The following UFM1 variants were observed in gnomAD, a reference collection of about 807,000 sequenced individuals.
UFM1 encodes the protein ubiquitin fold modifier 1.
In UFM1, 9 loss-of-function variants were observed where a neutral mutation model predicts 15.4. That is an observed-to-expected ratio of 0.59 (90% CI 0.35 to 1.02). The LOEUF is 1.02. UFM1 is among the 50% of genes least tolerant of loss of function. The probability of loss-of-function intolerance (pLI) is 0.02; values close to 1 mark genes in which losing one functional copy is unlikely to be tolerated. For missense variants in UFM1, 98 were observed against 104.7 expected, an observed-to-expected ratio of 0.94 and a Z score of 0.28; for synonymous variants, 27 against 36.3, an observed-to-expected ratio of 0.74 and a Z score of 0.92.
intron 5 of UFM1, 49 bp from the exon 6 acceptor site, chr13:38,360,657 TTAAGA>T (rs1879328302): frequency 3.0e-6 from 4 of 1,321,752 alleles, no homozygotes; most frequent in African/African-American, 1.5e-5. Context: ...TGTCAGAATA[TTAAGA>T]TAACTTGATT....
Position 38,361,962 on chromosome 13 carries a change from C to G in UFM1, c.*1184C>G, listed in dbSNP as rs1593300542. ...AGTATCTACTGGCCTTGTCAACATA[C>G]AGACTTCAAAATACCCCTTATGAGA... On this transcript the variant is annotated 3_prime_UTR_variant, in exon 6 of 6. Transcript: ENST00000239878. The G allele has an allele frequency of 6.6e-6, 1 of 152,204 alleles. No individual in the cohort carries two copies. The highest frequency in any genetic ancestry group is 6.5e-5 in the Admixed American group (1 of 15,272). The allele number at this position is 152,204 out of a possible 1,614,324, so 9.4% of individuals were successfully genotyped here. A position where few individuals can be genotyped will look rare whatever the true frequency, so the allele number is the denominator to read the frequency against.
intron 2 of UFM1, among the ~76,000 whole-genome samples, chr13:38,352,936 C>T (rs1044317289): frequency 6.6e-6 from 1 of 152,128 alleles, no homozygotes; most frequent in Non-Finnish European, 1.5e-5. Flanking sequence ...ATATACACTG[C>T]AAAAATACTT....
Position 38,349,988 on chromosome 13 carries a change from C to G in UFM1, c.3-11C>G. ...TGCCCGACCCTGACTCTCTCCCGCT[C>G]TTTTCCTCAGGTCGAAGGTTTCCTT... is the stretch of plus-strand genomic sequence containing the variant. On this transcript the variant is annotated splice_polypyrimidine_tract_variant and intron_variant, in intron 1 of 5. Transcript: ENST00000239878. 1 of 1,614,118 alleles carries G rather than the reference C, an allele frequency of 6.2e-7. No homozygotes were observed. The highest frequency in any genetic ancestry group is 1.1e-5 in the South Asian group (1 of 91,084).
intron 2 of UFM1, among the ~76,000 whole-genome samples, chr13:38,352,267 T>G (rs1878896109): frequency 6.6e-6 from 1 of 152,038 alleles, no homozygotes; most frequent in Non-Finnish European, 1.5e-5. Flanking sequence ...CCAGCTAATT[T>G]TTTGTATTTT....
chr13:38,362,288 T>G lies in UFM1; in HGVS notation c.*1510T>G, dbSNP rs553423220. Reference sequence around the variant, plus strand: ...CCTAAGTTCATTGGGGGAAAAAAAATAAGAAGATTCAACAGAATCAGCATT... The same window carrying G: ...CCTAAGTTCATTGGGGGAAAAAAAAGAAGAAGATTCAACAGAATCAGCATT... On this transcript the variant is annotated 3_prime_UTR_variant, in exon 6 of 6. Transcript: ENST00000239878. 1.1e-4 allele frequency: 17 copies of G among 152,126 alleles called. No individual in the cohort carries two copies. The highest frequency in any genetic ancestry group is 3.4e-3 in the Middle Eastern group (1 of 294). 9.4% of individuals were successfully genotyped at this position (152,126 alleles called of 1,614,324 possible). A position where few individuals can be genotyped will look rare whatever the true frequency, so the allele number is the denominator to read the frequency against.
chr13:38,359,572 A>G, intron 5 of UFM1: 1 of 345,336 alleles, frequency 2.9e-6, no homozygotes, highest in Non-Finnish European at 5.3e-6. Context: ...AAGCATTAAG[A>G]GTATTTATTA....
chr13:38,352,135 G>A (rs1421580440), intron 2 of UFM1, among the ~76,000 whole-genome samples: 3 of 125,754 alleles, frequency 2.4e-5, no homozygotes, highest in Admixed American at 1.0e-4. Flanking sequence ...ACAAAGTCTC[G>A]CTCTGTTGCC....
intron 2 of UFM1, 170 bp downstream of exon 2, chr13:38,350,225 G>C: frequency 6.2e-7 from 1 of 1,608,516 alleles, no homozygotes; most frequent in Non-Finnish European, 8.5e-7. Context: ...CCTGCGAGGA[G>C]AGGTCCGTAC....
chr13:38,358,184 TA>T, intron 4 of UFM1, 52 bp downstream of exon 4: 4 of 1,159,106 alleles, frequency 3.5e-6, no homozygotes, highest in Admixed American at 2.7e-5. Context: ...AGAAATGGTG[TA>T]AAAGGAACCA....
chr13:38,361,627 A>C lies in UFM1; in HGVS notation c.*849A>C, dbSNP rs1879392184. ...CTGAAGATCAAAAAAAAGCTCAAGGAAATACAGATCGGAAGTGCTGATGAG... is the reference window on the plus strand; with the variant it reads ...CTGAAGATCAAAAAAAAGCTCAAGGCAATACAGATCGGAAGTGCTGATGAG... On this transcript the variant is annotated 3_prime_UTR_variant, in exon 6 of 6. Transcript: ENST00000239878. The C allele has an allele frequency of 6.6e-6, 1 of 152,212 alleles. No homozygotes were observed. The highest frequency in any genetic ancestry group is 2.4e-5 in the African/African-American group (1 of 41,454). 9.4% of individuals were successfully genotyped at this position (152,212 alleles called of 1,614,324 possible). A position where few individuals can be genotyped will look rare whatever the true frequency, so the allele number is the denominator to read the frequency against.
chr13:38,353,546 A>T (rs1272678807), intron 2 of UFM1, among the ~76,000 whole-genome samples: 1 of 152,090 alleles, frequency 6.6e-6, no homozygotes, highest in East Asian at 1.9e-4. Context: ...TAAGAAAAAA[A>T]AAATATATTT....
At chr13:38,356,394 A>C (rs1879096561) in intron 3 of UFM1, among the ~76,000 whole-genome samples, 1 of 151,826 alleles carries the variant, frequency 6.6e-6, no homozygotes, top group African/African-American at 2.4e-5. Flanking sequence ...AGCCTGTGCA[A>C]AATATTTGTG....
At position 38,349,897 on chromosome 13, in the gene UFM1, T is replaced by C; in HGVS notation, c.-23T>C. The C allele has an allele frequency of 6.2e-7, 1 of 1,614,090 alleles. No individual in the cohort carries two copies. Among genetic ancestry groups the C allele is most frequent in the Non-Finnish European group, 8.5e-7 (1 of 1,180,004 alleles). On this transcript the variant is annotated 5_prime_UTR_variant, in exon 1 of 6. Transcript: ENST00000239878. ...CTACCCCCGCGGAGTTGTCGTGTGTTCTGGATTCATTCCGGCACCACCATG... is the reference window on the plus strand; with the variant it reads ...CTACCCCCGCGGAGTTGTCGTGTGTCCTGGATTCATTCCGGCACCACCATG...
rs1879398702 is a variant in UFM1 at position 38,361,743 on chromosome 13, C to G, written c.*965C>G. ...CCAGGAAAGGAAAGATGGGGAAGCC[C>G]AGATCACCAGGCTTCTATTAAGGAG... On this transcript the variant is annotated 3_prime_UTR_variant, in exon 6 of 6. Transcript: ENST00000239878. 1 of 152,240 alleles carries G rather than the reference C, an allele frequency of 6.6e-6. No individual in the cohort carries two copies. The allele number at this position is 152,240 out of a possible 1,614,324, so 9.4% of individuals were successfully genotyped here.
intron 3 of UFM1, among the ~76,000 whole-genome samples, chr13:38,355,322 C>G (rs1879046677): frequency 6.6e-6 from 1 of 151,910 alleles, no homozygotes; most frequent in Admixed American, 6.6e-5. Context: ...TGTTTTGTGT[C>G]TGATAGATTC....
At chr13:38,360,112 G>T in intron 5 of UFM1, 1 of 342,000 alleles carries the variant, frequency 2.9e-6, no homozygotes. Context: ...TACTTCAGTA[G>T]TTGTTAATAT....
chr13:38,357,775 A>C (rs1879176143), intron 3 of UFM1, among the ~76,000 whole-genome samples: 1 of 151,952 alleles, frequency 6.6e-6, no homozygotes, highest in Non-Finnish European at 1.5e-5. Context: ...CATAACAGAA[A>C]GTATATTTAC....
chr13:38,358,961 A>G (rs1399567575), intron 4 of UFM1, among the ~76,000 whole-genome samples: 1 of 152,068 alleles, frequency 6.6e-6, no homozygotes, highest in African/African-American at 2.4e-5. Flanking sequence ...GATTCATGGC[A>G]TACCTAAGGG....
rs1454074278 is a variant in UFM1, at chr13:38,361,262, G to A, written c.*484G>A. The A allele has an allele frequency of 6.6e-6, 1 of 152,108 alleles. No homozygotes were observed. Among genetic ancestry groups the A allele is most frequent in the Non-Finnish European group, 1.5e-5 (1 of 68,034 alleles). The allele number at this position is 152,108 out of a possible 1,614,324, so 9.4% of individuals were successfully genotyped here. A position where few individuals can be genotyped will look rare whatever the true frequency, so the allele number is the denominator to read the frequency against. On this transcript the variant is annotated 3_prime_UTR_variant, in exon 6 of 6. Transcript: ENST00000239878. ...TGTGATGAAGTGAATAGACATATCAGTGAACAGTTAACTATATTAAATTTT... is the reference window on the plus strand; with the variant it reads ...TGTGATGAAGTGAATAGACATATCAATGAACAGTTAACTATATTAAATTTT...
Sources: allele counts gnomAD v4.1 joint callset (sites outside exome capture counted in the v4.1 genomes callset), GRCh38; gene constraint gnomAD v4.1.1; transcripts MANE v1.5; gene names NCBI Gene and HGNC (gene_info 2026-07-23, HGNC 2026-07-21).